CNTN1: variants seen among roughly 807,000 people sequenced by gnomAD.
CNTN1 encodes the protein contactin 1, also known as contactin-1.
A neutral mutation model predicts 126.4 loss-of-function variants in CNTN1; 38 were observed. The observed-to-expected ratio is 0.30, with a 90% CI of 0.23 to 0.39. The LOEUF (loss-of-function observed/expected upper bound fraction) is 0.39. Among genes scored for constraint, CNTN1 ranks in the 10% least tolerant of loss-of-function variants. The probability of loss-of-function intolerance (pLI) is 1.00; values close to 1 mark genes in which losing one functional copy is unlikely to be tolerated. For missense variants in CNTN1, 1,009 were observed against 1,248.4 expected (o/e 0.81, Z 2.89); for synonymous variants, 413 against 422.6 (o/e 0.98, Z 0.28).
chr12:41,037,153 A>T (rs1949284556), intron 23 of CNTN1, among the ~76,000 whole-genome samples: 1 of 152,150 alleles, frequency 6.6e-6, no homozygotes, highest in Non-Finnish European at 1.5e-5. Context: ...TTTGTTTTTA[A>T]ATGTTATTAA....
chr12:40,758,305 T>C (rs1202425495), intron 1 of CNTN1, among the ~76,000 whole-genome samples: 2 of 151,754 alleles, frequency 1.3e-5, no homozygotes, highest in African/African-American at 4.8e-5. Context: ...CAAAGTGTTT[T>C]TTTTTTAATT....
intron 17 of CNTN1, among the ~76,000 whole-genome samples, chr12:40,999,163 T>A (rs537468557): frequency 1.3e-5 from 2 of 152,266 alleles, no homozygotes; most frequent in East Asian, 3.9e-4. Flanking sequence ...AAAAAAAATT[T>A]TTAGATCTAT....
At chr12:40,902,178 C>A (rs1430181651) in intron 1 of CNTN1, among the ~76,000 whole-genome samples, 1 of 152,162 alleles carries the variant, frequency 6.6e-6, no homozygotes, top group Non-Finnish European at 1.5e-5. Flanking sequence ...ACATATGCTG[C>A]AAAGCTTTAC....
At chr12:40,716,430 A>T (rs971689489) in intron 1 of CNTN1, among the ~76,000 whole-genome samples, 5 of 151,450 alleles carry the variant, frequency 3.3e-5, no homozygotes, top group Middle Eastern at 3.2e-3. Context: ...TTCTTCCACA[A>T]ATCTAAATAC....
In CNTN1 at chr12:40,796,451, A is replaced by G. The variant is rs112008722; in HGVS notation, c.-77+103859A>G. Among the ~76,000 whole-genome samples the G allele has an allele frequency of 5.4e-3, 822 of 152,182 alleles. 5 individuals carry two copies. The highest frequency in any genetic ancestry group is 0.019 in the African/African-American group (781 of 41,546). On this transcript the variant is annotated intron_variant, in intron 1 of 23. Coordinates refer to ENST00000551295, the MANE Select transcript of CNTN1 (RefSeq NM_001843.4). ...GGAGACTTCATTCCAGATATTATAT[A>G]TCAAAATCTCTAGGAGTGGGGCCTA...
intron 1 of CNTN1, among the ~76,000 whole-genome samples, chr12:40,765,133 G>C (rs1939029175): frequency 6.6e-6 from 1 of 151,702 alleles, no homozygotes; most frequent in African/African-American, 2.4e-5. Context: ...GGATATTGTT[G>C]ACAAGATTGA....
At chr12:40,869,810 A>C (rs1359139684) in intron 1 of CNTN1, among the ~76,000 whole-genome samples, 1 of 152,164 alleles carries the variant, frequency 6.6e-6, no homozygotes, top group African/African-American at 2.4e-5. Context: ...TGGAATGGAA[A>C]TTATTTTGAG....
At chr12:40,779,030 C>T (rs1939694666) in intron 1 of CNTN1, among the ~76,000 whole-genome samples, 1 of 151,610 alleles carries the variant, frequency 6.6e-6, no homozygotes, top group Non-Finnish European at 1.5e-5. Context: ...AAAATATGAA[C>T]AGTCAGGTAG....
chr12:41,025,368 A>G (rs1949016335), intron 21 of CNTN1, 32 bp downstream of exon 21: 3 of 1,597,798 alleles, frequency 1.9e-6, no homozygotes, highest in African/African-American at 1.3e-5. Flanking sequence ...TAGACTTGTC[A>G]AAAACTACCA....
In CNTN1 at chr12:40,845,640, T is replaced by C. The variant is rs562663007; in HGVS notation, c.-76-62717T>C. Among the ~76,000 whole-genome samples the C allele has an allele frequency of 3.9e-5, 6 of 152,254 alleles. No homozygotes were observed. The East Asian group carries it at 1.2e-3, about 29-fold the overall frequency. On this transcript the variant is annotated intron_variant, in intron 1 of 23. Transcript: ENST00000551295. Reference sequence around the variant, plus strand: ...AATAATTAGAGAGCTGGAAATTTCATTTCCACCCGCCAGCCTCTGGAGATG... The same window carrying C: ...AATAATTAGAGAGCTGGAAATTTCACTTCCACCCGCCAGCCTCTGGAGATG...
chr12:40,865,473 T>C (rs2136655358), intron 1 of CNTN1, among the ~76,000 whole-genome samples: 1 of 152,266 alleles, frequency 6.6e-6, no homozygotes, highest in African/African-American at 2.4e-5. Context: ...CATACAATTT[T>C]AGCTCTTACA....
At chr12:41,067,001 A>G (rs1181866034) in intron 23 of CNTN1, among the ~76,000 whole-genome samples, 2 of 152,254 alleles carry the variant, frequency 1.3e-5, no homozygotes, top group African/African-American at 4.8e-5. Context: ...TATATAACAC[A>G]TAAGTACCAG....
Position 40,832,477 on chromosome 12 carries a change from G to A in CNTN1, c.-76-75880G>A, listed in dbSNP as rs184782036. Reference sequence around the variant, plus strand: ...TAACATGCTGTTCATGTTTGCAGCCGAGGAACAATAGGCTATGCCATATAG... The same window carrying A: ...TAACATGCTGTTCATGTTTGCAGCCAAGGAACAATAGGCTATGCCATATAG... On this transcript the variant is annotated intron_variant, in intron 1 of 23. Transcript: ENST00000551295. 5.9e-5 allele frequency among the ~76,000 whole-genome samples: 9 copies of A among 152,202 alleles called. No individual in the cohort carries two copies. In the East Asian group the frequency reaches 9.6e-4, roughly 16 times the overall value.
chr12:40,772,288 A>C (rs185940791), intron 1 of CNTN1, among the ~76,000 whole-genome samples: 1 of 152,066 alleles, frequency 6.6e-6, no homozygotes, highest in African/African-American at 2.4e-5. Context: ...CAAAAAGAAC[A>C]TGAACTTTCT....
At chr12:40,874,450 T>A (rs1263599681) in intron 1 of CNTN1, among the ~76,000 whole-genome samples, 1 of 152,184 alleles carries the variant, frequency 6.6e-6, no homozygotes, top group Non-Finnish European at 1.5e-5. Context: ...TGCATGCTTT[T>A]GTTCTTTCAT....
intron 16 of CNTN1, among the ~76,000 whole-genome samples, chr12:40,991,216 T>C (rs1317162400): frequency 6.6e-6 from 1 of 152,140 alleles, no homozygotes; most frequent in Non-Finnish European, 1.5e-5. Context: ...GCTACATCAC[T>C]TTCATATCTA....
At chr12:40,952,108 C>T (rs557491536) in intron 14 of CNTN1, among the ~76,000 whole-genome samples, 20 of 106,800 alleles carry the variant, frequency 1.9e-4, no homozygotes, top group African/African-American at 8.8e-4. Flanking sequence ...TGAAGAAGCA[C>T]CACATCTACT....
In CNTN1 at chr12:41,070,079, C is replaced by T. The variant is rs1194784673; in HGVS notation, c.*44C>T. Reference sequence around the variant, plus strand: ...TGTTCCCATCCCAGCTCAGAAGACACCCTTCAACCCTGGGATGACCACAAT... The same window carrying T: ...TGTTCCCATCCCAGCTCAGAAGACATCCTTCAACCCTGGGATGACCACAAT... On this transcript the variant is annotated 3_prime_UTR_variant, in exon 24 of 24. Coordinates refer to ENST00000551295, the MANE Select transcript of CNTN1 (RefSeq NM_001843.4). 1.9e-6 allele frequency: 3 copies of T among 1,541,538 alleles called. No homozygotes were observed. The highest frequency in any genetic ancestry group is 2.7e-6 in the Non-Finnish European group (3 of 1,114,814).
At chr12:40,895,152 A>C (rs1213722839) in intron 1 of CNTN1, among the ~76,000 whole-genome samples, 1 of 152,172 alleles carries the variant, frequency 6.6e-6, no homozygotes, top group Non-Finnish European at 1.5e-5. Context: ...AGTATAGTCC[A>C]TTTTTATACT....
Sources: gnomAD v4.1 joint callset for allele counts (sites outside exome capture counted in the v4.1 genomes callset) on GRCh38, gnomAD v4.1.1 for gene constraint, MANE v1.5 for transcripts, NCBI Gene and HGNC (gene_info 2026-07-23, HGNC 2026-07-21) for gene names.